ADGRL2: variants seen among roughly 807,000 people sequenced by gnomAD.
ADGRL2 encodes the protein adhesion G protein-coupled receptor L2.
In ADGRL2, 44 loss-of-function variants were observed where a neutral mutation model predicts 157.4. The ratio of observed to expected loss-of-function variants is 0.28; its 90% confidence interval spans 0.22 to 0.36. The LOEUF (loss-of-function observed/expected upper bound fraction) is 0.36, where lower values mean the gene tolerates loss of function less well. Ranked by LOEUF, ADGRL2 falls within the 10% of genes least tolerant of loss-of-function variation. ADGRL2 has a pLI of 1.00. For synonymous variants in ADGRL2, 585 were observed against 624.7 expected (o/e 0.94, Z 0.95); for missense variants, 1,510 against 1,768.9 (o/e 0.85, Z 2.63).
intron 1 of ADGRL2, among the ~76,000 whole-genome samples, chr1:81,819,574 A>G (rs1175168323): frequency 6.6e-6 from 1 of 152,142 alleles, no homozygotes; most frequent in East Asian, 1.9e-4. Context: ...TTTAAGTGAT[A>G]CTAATTTTTT....
intron 3 of ADGRL2, among the ~76,000 whole-genome samples, chr1:81,911,464 G>A (rs1259937285): frequency 6.6e-6 from 1 of 152,026 alleles, no homozygotes; most frequent in African/African-American, 2.4e-5. Context: ...GCAGCAGTTG[G>A]GTACAAACTA....
intron 3 of ADGRL2, among the ~76,000 whole-genome samples, chr1:81,689,869 G>A (rs1349235580): frequency 6.6e-6 from 1 of 152,146 alleles, no homozygotes; most frequent in Non-Finnish European, 1.5e-5. Context: ...ACTCTCTTGA[G>A]CACAGTCCTA....
intron 1 of ADGRL2, among the ~76,000 whole-genome samples, chr1:81,321,772 G>T (rs12748920): frequency 6.6e-6 from 1 of 151,050 alleles, no homozygotes; most frequent in African/African-American, 2.4e-5. Context: ...ATGAAAAAGC[G>T]TGAAATATTG....
chr1:81,879,599 ATTAT>A (rs1410966105), intron 2 of ADGRL2, among the ~76,000 whole-genome samples: 1 of 152,124 alleles, frequency 6.6e-6, no homozygotes, highest in Non-Finnish European at 1.5e-5. Flanking sequence ...TTTTTATAAT[ATTAT>A]TTATTCTTCT....
intron 1 of ADGRL2, among the ~76,000 whole-genome samples, chr1:81,402,875 A>G (rs2076781430): frequency 6.6e-6 from 1 of 152,214 alleles, no homozygotes; most frequent in Admixed American, 6.5e-5. Flanking sequence ...TTAATAAGGC[A>G]AACATCGACT....
chr1:81,913,694 A>G (rs969004080), intron 3 of ADGRL2, among the ~76,000 whole-genome samples: 1 of 152,144 alleles, frequency 6.6e-6, no homozygotes, highest in Non-Finnish European at 1.5e-5. Context: ...TCACATAGCT[A>G]CATGTATATT....
intron 1 of ADGRL2, among the ~76,000 whole-genome samples, chr1:81,311,255 T>C (rs1025310505): frequency 1.3e-5 from 2 of 152,226 alleles, no homozygotes; most frequent in Non-Finnish European, 2.9e-5. Flanking sequence ...ACTGTTGTTG[T>C]TGTTTTATGA....
intron 2 of ADGRL2, among the ~76,000 whole-genome samples, chr1:81,476,294 G>GA (rs1418485350): frequency 6.6e-6 from 1 of 152,144 alleles, no homozygotes; most frequent in Non-Finnish European, 1.5e-5. Context: ...TTAAAATACT[G>GA]AGAGAACTTG....
At chr1:81,713,853 G>A (rs899248367) in intron 1 of ADGRL2, among the ~76,000 whole-genome samples, 1 of 152,164 alleles carries the variant, frequency 6.6e-6, no homozygotes, top group African/African-American at 2.4e-5. Context: ...TAGAGATACT[G>A]TATTAATCTG....
chr1:81,310,988 T>A (rs1326449783), intron 1 of ADGRL2, among the ~76,000 whole-genome samples: 1 of 152,120 alleles, frequency 6.6e-6, no homozygotes, highest in Non-Finnish European at 1.5e-5. Context: ...CTAAATTCTT[T>A]GGCTGTAATA....
chr1:81,615,013 AAAAAT>A (rs1271224897), intron 3 of ADGRL2, among the ~76,000 whole-genome samples: 3 of 152,180 alleles, frequency 2.0e-5, no homozygotes, highest in Admixed American at 6.5e-5. Flanking sequence ...ACCATGTATC[AAAAAT>A]AAAATAAAGT....
intron 13 of ADGRL2, 37 bp downstream of exon 13, chr1:81,966,646 A>G: frequency 6.3e-7 from 1 of 1,584,744 alleles, no homozygotes; most frequent in Non-Finnish European, 8.7e-7. Context: ...ATGGAAGGTT[A>G]TAAAAGCAGA....
chr1:81,508,388 T>C (rs2079017112), intron 2 of ADGRL2, among the ~76,000 whole-genome samples: 1 of 152,180 alleles, frequency 6.6e-6, no homozygotes. Context: ...GTCACAGACA[T>C]AACACGCTGA....
In ADGRL2 at chr1:81,583,821, A is replaced by G. The variant is rs77693088; in HGVS notation, c.-143+2841A>G. ...TCTATAAGACATTTGCAATTAGAAG[A>G]AATTATGATACTCTTATTTCAAGCA... On this transcript the variant is annotated intron_variant, in intron 3 of 24. Transcript: ENST00000370721. Among the ~76,000 whole-genome samples the G allele has an allele frequency of 7.7e-4, 118 of 152,340 alleles. 3 individuals are homozygous for G. In the East Asian group the frequency reaches 0.021, roughly 27 times the overall value.
At chr1:81,527,073 C>A (rs918872837) in intron 2 of ADGRL2, among the ~76,000 whole-genome samples, 25 of 152,178 alleles carry the variant, frequency 1.6e-4, no homozygotes, top group African/African-American at 6.0e-4. Context: ...AATATAAAAT[C>A]TATACATGAA....
In ADGRL2 at chr1:81,548,925, A is replaced by C. The variant is rs543772334; in HGVS notation, c.-247-31951A>C. On this transcript the variant is annotated intron_variant, in intron 2 of 24. Transcript: ENST00000370721. ...ACAGAAGGTTGAGAAGGTGTTCAAG[A>C]ATTTCCAGGTCTTGAAGGCTAGAAA... 2.0e-5 allele frequency among the ~76,000 whole-genome samples: 3 copies of C among 152,310 alleles called. No individual in the cohort carries two copies. The East Asian group carries it at 5.8e-4, about 29-fold the overall frequency.
chr1:81,512,296 G>T (rs1226254823), intron 2 of ADGRL2, among the ~76,000 whole-genome samples: 2 of 152,144 alleles, frequency 1.3e-5, no homozygotes, highest in Non-Finnish European at 2.9e-5. Flanking sequence ...TTGCTTTATT[G>T]GTGAAGGGAA....
At chr1:81,981,743 A>G in intron 18 of ADGRL2, 65 bp from the exon 19 acceptor site, 1 of 1,289,094 alleles carries the variant, frequency 7.8e-7, no homozygotes, top group Non-Finnish European at 1.1e-6. Context: ...ATATGTTAAC[A>G]TTTAAGCGTG....
chr1:81,478,242 A>G (rs1174123894), intron 2 of ADGRL2, among the ~76,000 whole-genome samples: 1 of 152,160 alleles, frequency 6.6e-6, no homozygotes, highest in Non-Finnish European at 1.5e-5. Context: ...GTGAGGTATC[A>G]GATAAGAGAT....
Sources: allele counts gnomAD v4.1 joint callset (sites outside exome capture counted in the v4.1 genomes callset), GRCh38; gene constraint gnomAD v4.1.1; transcripts MANE v1.5; gene names NCBI Gene and HGNC (gene_info 2026-07-23, HGNC 2026-07-21).